The following RANBP2 variants were observed in gnomAD, a reference collection of about 807,000 sequenced individuals.
RANBP2 encodes RAN binding protein 2.
Under a neutral mutation model 303.6 loss-of-function variants are expected in RANBP2, and 57 were observed. The ratio of observed to expected loss-of-function variants is 0.19; its 90% confidence interval spans 0.15 to 0.23. The LOEUF (loss-of-function observed/expected upper bound fraction) is 0.23. Among genes scored for constraint, RANBP2 ranks in the 10% least tolerant of loss-of-function variants. The probability of loss-of-function intolerance (pLI) is 1.00; values close to 1 mark genes in which losing one functional copy is unlikely to be tolerated. For synonymous variants in RANBP2, 1,167 were observed against 1,301.5 expected (o/e 0.90, Z 2.23); for missense variants, 3,138 against 3,780.8 (o/e 0.83, Z 4.46).
At chr2:109,642,134 G>T in the RANBP2 span, among the ~76,000 whole-genome samples, 1 of 151,968 alleles carries the variant, frequency 6.6e-6, no homozygotes. Context: ...CACCATGTTG[G>T]CTAGGCTGGT....
the RANBP2 span, among the ~76,000 whole-genome samples, chr2:109,728,044 A>G: frequency 6.6e-6 from 1 of 152,118 alleles, no homozygotes; most frequent in African/African-American, 2.4e-5. Flanking sequence ...CCATGAACCT[A>G]CCATGCGAGT....
the RANBP2 span, among the ~76,000 whole-genome samples, chr2:109,156,428 C>T: frequency 6.6e-6 from 1 of 151,860 alleles, no homozygotes; most frequent in Non-Finnish European, 1.5e-5. Flanking sequence ...GGAGAGGATA[C>T]ACTAAGGGAT....
At chr2:109,709,168 TG>T in the RANBP2 span, among the ~76,000 whole-genome samples, 4 of 150,102 alleles carry the variant, frequency 2.7e-5, no homozygotes, top group African/African-American at 9.8e-5. Context: ...TAGCCAGGCA[TG>T]GGGGTGCATG....
At chr2:109,020,224 C>T in the RANBP2 span, among the ~76,000 whole-genome samples, 83 of 152,236 alleles carry the variant, frequency 5.5e-4, 1 homozygote, top group Middle Eastern at 0.014. Flanking sequence ...CCAGGAGCAG[C>T]GCACACAGGC....
At chr2:109,713,210 A>G in the RANBP2 span, among the ~76,000 whole-genome samples, 1 of 152,148 alleles carries the variant, frequency 6.6e-6, no homozygotes, top group Non-Finnish European at 1.5e-5. Context: ...TGGAGGAGAG[A>G]TGGTGAACTG....
intron 7 of RANBP2, among the ~76,000 whole-genome samples, chr2:108,743,128 G>T (rs1696247292): frequency 6.6e-6 from 1 of 152,154 alleles, no homozygotes. Context: ...AAATTTATCT[G>T]TCTGTGTGTC....
chr2:109,697,886 C>G, the RANBP2 span, among the ~76,000 whole-genome samples: 1 of 137,100 alleles, frequency 7.3e-6, no homozygotes. Context: ...TTGAGATGGA[C>G]TCTCACTCTG....
At chr2:109,118,065 C>A in the RANBP2 span, among the ~76,000 whole-genome samples, 3 of 152,194 alleles carry the variant, frequency 2.0e-5, no homozygotes, top group African/African-American at 7.2e-5. Context: ...TGGTGAAGAT[C>A]AGCCAGCACT....
At chr2:109,568,046 C>A in the RANBP2 span, 1 of 1,214,490 alleles carries the variant, frequency 8.2e-7, no homozygotes. Context: ...TGTTTTTTCA[C>A]TCAAAACTGT....
chr2:109,161,663 G>T, the RANBP2 span, among the ~76,000 whole-genome samples: 22 of 151,912 alleles, frequency 1.4e-4, no homozygotes, highest in African/African-American at 5.3e-4. Flanking sequence ...TGTGGAAGGC[G>T]AAGGGGAGCT....
chr2:109,081,558 A>T, the RANBP2 span, among the ~76,000 whole-genome samples: 1 of 152,154 alleles, frequency 6.6e-6, no homozygotes, highest in African/African-American at 2.4e-5. Flanking sequence ...TATGAGACAG[A>T]TCACAAGGGC....
chr2:108,897,980 A>G, the RANBP2 span, among the ~76,000 whole-genome samples: 1 of 152,178 alleles, frequency 6.6e-6, no homozygotes, highest in Non-Finnish European at 1.5e-5. Flanking sequence ...CATAAATTCC[A>G]GACATGGGGC....
In RANBP2 at chr2:108,763,115, A is replaced by G. The variant is rs537838901; in HGVS notation, c.2698-122A>G. On this transcript the variant is annotated intron_variant, in intron 19 of 28. Transcript: ENST00000283195. Reference sequence around the variant, plus strand: ...TAAACGGGTTAATGATGTGTACTACATCCCCTAATGAGATCTTCTTCACTT... The same window carrying G: ...TAAACGGGTTAATGATGTGTACTACGTCCCCTAATGAGATCTTCTTCACTT... 8.9e-5 allele frequency: 103 copies of G among 1,152,702 alleles called. No individual in the cohort carries two copies. The East Asian group carries it at 2.2e-3, about 24-fold the overall frequency. The allele number at this position is 1,152,702 out of a possible 1,614,324, so 71.4% of individuals were successfully genotyped here. A position where few individuals can be genotyped will look rare whatever the true frequency, so the allele number is the denominator to read the frequency against.
At chr2:109,233,283 A>T in the RANBP2 span, among the ~76,000 whole-genome samples, 1 of 152,120 alleles carries the variant, frequency 6.6e-6, no homozygotes, top group Admixed American at 6.5e-5. Flanking sequence ...CAGAGGTTGT[A>T]TTGAGTGATG....
the RANBP2 span, among the ~76,000 whole-genome samples, chr2:109,215,714 C>T: frequency 6.6e-6 from 1 of 152,180 alleles, no homozygotes; most frequent in East Asian, 1.9e-4. Flanking sequence ...GTGTGACTCA[C>T]CCTGTGAACT....
At chr2:109,340,073 C>T in the RANBP2 span, among the ~76,000 whole-genome samples, 75 of 152,158 alleles carry the variant, frequency 4.9e-4, no homozygotes, top group Non-Finnish European at 9.6e-4. Context: ...GAGCAGTAAT[C>T]GGGTTATCGG....
rs748726376 is a variant in RANBP2, at chr2:108,766,084, GCTT to G, written c.5548_5550del (p.Ser1850del). 7 of 1,614,154 alleles carry G rather than the reference GCTT, an allele frequency of 4.3e-6. No individual in the cohort carries two copies. The highest frequency in any genetic ancestry group is 2.7e-5 in the African/African-American group (2 of 75,048). On this transcript the variant is annotated inframe_deletion, in exon 20 of 29. Coordinates refer to ENST00000283195, the MANE Select transcript of RANBP2 (RefSeq NM_006267.5). ...ATTTAAAAGTAATTTCTCAGAAAAA[GCTT>G]CTAAGTTTGGCAATACAGAGCAAGG...
chr2:108,871,369 T>A, the RANBP2 span, among the ~76,000 whole-genome samples: 6 of 134,570 alleles, frequency 4.5e-5, no homozygotes, highest in Admixed American at 1.5e-4. Flanking sequence ...CCCAACTCTA[T>A]TAAAAAAAAA....
the RANBP2 span, among the ~76,000 whole-genome samples, chr2:109,599,670 G>A: frequency 6.6e-6 from 1 of 152,010 alleles, no homozygotes; most frequent in African/African-American, 2.4e-5. Flanking sequence ...AAGGATAACT[G>A]CAAATTCTAC....
Sources: allele counts gnomAD v4.1 joint callset (sites outside exome capture counted in the v4.1 genomes callset), GRCh38; gene constraint gnomAD v4.1.1; transcripts MANE v1.5; gene names NCBI Gene and HGNC (gene_info 2026-07-23, HGNC 2026-07-21).